STK33: variants seen among roughly 807,000 people sequenced by gnomAD.
The protein encoded by STK33 is serine/threonine-protein kinase 33.
Under a neutral mutation model 58.0 loss-of-function variants are expected in STK33, and 52 were observed. That is an observed-to-expected ratio of 0.90 (90% CI 0.72 to 1.13). The LOEUF (loss-of-function observed/expected upper bound fraction) is 1.13. Among genes scored for constraint, STK33 ranks in the 50% most tolerant of loss-of-function variants. STK33 has a pLI of 0.00. For missense variants in STK33, 630 were observed against 604.2 expected (o/e 1.04, Z -0.45); for synonymous variants, 215 against 200.1 (o/e 1.07, Z -0.63).
chr11:8,546,605 G>T (rs11041973), intron 1 of STK33, among the ~76,000 whole-genome samples: 33,016 of 129,806 alleles, frequency 0.25, 3,922 homozygotes, highest in Admixed American at 0.31. Flanking sequence ...ACCCTACCCT[G>T]CTCAGCTCCT....
intron 8 of STK33, among the ~76,000 whole-genome samples, chr11:8,458,575 G>T (rs1248870620): frequency 1.3e-5 from 2 of 152,026 alleles, no homozygotes; most frequent in Admixed American, 1.3e-4. Flanking sequence ...GAAACAGTGG[G>T]ACTTAGTGAC....
chr11:8,345,528 C>G, the STK33 span, among the ~76,000 whole-genome samples: 1 of 152,222 alleles, frequency 6.6e-6, no homozygotes, highest in Non-Finnish European at 1.5e-5. Context: ...AGGAGACAGG[C>G]AGGAAGACCC....
intron 1 of STK33, among the ~76,000 whole-genome samples, chr11:8,575,165 T>C (rs1300122796): frequency 6.6e-6 from 1 of 152,168 alleles, no homozygotes; most frequent in Non-Finnish European, 1.5e-5. Flanking sequence ...TTTAAAATGG[T>C]GTAGCTGCTG....
intron 15 of STK33, among the ~76,000 whole-genome samples, chr11:8,406,458 G>C (rs916133309): frequency 5.9e-5 from 9 of 152,100 alleles, no homozygotes; most frequent in Non-Finnish European, 1.0e-4. Context: ...AAGTTAATTT[G>C]GGGAGAACTG....
At chr11:8,338,188 G>C in the STK33 span, among the ~76,000 whole-genome samples, 2 of 152,172 alleles carry the variant, frequency 1.3e-5, no homozygotes, top group African/African-American at 4.8e-5. Context: ...GCCATACACA[G>C]GGCCTGGCCA....
the STK33 span, among the ~76,000 whole-genome samples, chr11:8,354,980 G>GA: frequency 6.6e-6 from 1 of 152,244 alleles, no homozygotes; most frequent in Non-Finnish European, 1.5e-5. Flanking sequence ...TCTTCTTGCA[G>GA]AAAAAAAGAG....
intron 1 of STK33, among the ~76,000 whole-genome samples, chr11:8,503,232 G>A (rs1276084736): frequency 2.6e-5 from 4 of 152,030 alleles, no homozygotes; most frequent in Admixed American, 6.6e-5. Context: ...GTCCATCCAC[G>A]GTAGACTGGA....
intron 14 of STK33, among the ~76,000 whole-genome samples, chr11:8,431,439 C>T (rs1051500455): frequency 3.3e-5 from 5 of 152,026 alleles, no homozygotes; most frequent in African/African-American, 1.2e-4. Context: ...TGAACAAAGG[C>T]CCTGTTCATA....
At chr11:8,415,167 C>T (rs777100184) in intron 14 of STK33, among the ~76,000 whole-genome samples, 1 of 152,088 alleles carries the variant, frequency 6.6e-6, no homozygotes, top group South Asian at 2.1e-4. Context: ...CAAGTACATA[C>T]AACTTTGCCT....
intron 1 of STK33, among the ~76,000 whole-genome samples, chr11:8,527,604 T>C (rs1047379710): frequency 6.6e-6 from 1 of 152,168 alleles, no homozygotes; most frequent in Non-Finnish European, 1.5e-5. Context: ...TTAAACAAAA[T>C]ACTGTGCTTT....
chr11:8,421,107 C>T (rs545360343), intron 14 of STK33, among the ~76,000 whole-genome samples: 3 of 152,072 alleles, frequency 2.0e-5, no homozygotes, highest in East Asian at 3.9e-4. Context: ...ATCAGCTTTC[C>T]TTCTGGTGTT....
chr11:8,581,242 C>A (rs1374508430), intron 1 of STK33, among the ~76,000 whole-genome samples: 1 of 152,118 alleles, frequency 6.6e-6, no homozygotes, highest in Non-Finnish European at 1.5e-5. Flanking sequence ...CAGTGTTGTA[C>A]AATTTTCCTA....
intron 1 of STK33, among the ~76,000 whole-genome samples, chr11:8,521,126 T>C (rs1490986707): frequency 6.6e-6 from 1 of 152,010 alleles, no homozygotes; most frequent in Non-Finnish European, 1.5e-5. Flanking sequence ...TGGAAAAAAC[T>C]ACTTTAAAGT....
chr11:8,436,452 A>G, intron 12 of STK33, among the ~76,000 whole-genome samples: 1 of 152,198 alleles, frequency 6.6e-6, no homozygotes, highest in Non-Finnish European at 1.5e-5. Flanking sequence ...GGGTTAAAAT[A>G]CGGGAAGGTG....
chr11:8,552,585 TA>T (rs1309762077), intron 1 of STK33, among the ~76,000 whole-genome samples: 2 of 152,302 alleles, frequency 1.3e-5, no homozygotes, highest in East Asian at 1.9e-4. Flanking sequence ...TTTACTCATT[TA>T]TTTTTTTACT....
chr11:8,362,916 T>TCCTC, the STK33 span, among the ~76,000 whole-genome samples: 31 of 149,184 alleles, frequency 2.1e-4, no homozygotes, highest in African/African-American at 6.5e-4. Context: ...CTTCCTTCCT[T>TCCTC]CCTCCCTCCT....
At chr11:8,392,788 T>C (rs1013060539) in intron 15 of STK33, 78 bp from the exon 16 acceptor site, 1 of 1,478,110 alleles carries the variant, frequency 6.8e-7, no homozygotes, top group Non-Finnish European at 9.3e-7. Flanking sequence ...AACTACAAAG[T>C]TGTCCAGGAT....
chr11:8,579,768 C>T (rs962790063), intron 1 of STK33, among the ~76,000 whole-genome samples: 2 of 151,976 alleles, frequency 1.3e-5, no homozygotes, highest in African/African-American at 2.4e-5. Flanking sequence ...CCTAAAACCC[C>T]GTTTACATCT....
At chr11:8,361,869 G>A in the STK33 span, among the ~76,000 whole-genome samples, 12 of 152,244 alleles carry the variant, frequency 7.9e-5, no homozygotes, top group Non-Finnish European at 1.3e-4. The surrounding 1 kb of genome is among the most constrained non-coding windows in gnomAD (Gnocchi z 4.8). Flanking sequence ...TGCCCCATAT[G>A]TCAGTGGGCA....
Sources: gnomAD v4.1 joint callset for allele counts (sites outside exome capture counted in the v4.1 genomes callset) on GRCh38, gnomAD v4.1.1 for gene constraint, Gnocchi (gnomAD v3.1) non-coding constraint, MANE v1.5 for transcripts, NCBI Gene and HGNC (gene_info 2026-07-23, HGNC 2026-07-21) for gene names.